The following CCK variants were observed in gnomAD, a reference collection of about 807,000 sequenced individuals.
The protein encoded by CCK is cholecystokinin triacontatriapeptide.
In CCK, 11 loss-of-function variants were observed where a neutral mutation model predicts 10.1. The observed-to-expected ratio is 1.09, with a 90% CI of 0.69 to 1.81. CCK has a LOEUF of 1.81. Ranked by LOEUF, CCK falls within the 40% of genes most tolerant of loss-of-function variation. The pLI is 0.00. For missense variants in CCK, 137 were observed against 159.9 expected, an observed-to-expected ratio of 0.86 and a Z score of 0.77; for synonymous variants, 83 against 71.9, an observed-to-expected ratio of 1.15 and a Z score of -0.78.
At chr3:42,262,781 T>C (rs1426660281) in intron 4 of CCK, among the ~76,000 whole-genome samples, 3 of 152,224 alleles carry the variant, frequency 2.0e-5, no homozygotes, top group African/African-American at 7.2e-5. Context: ...ATCACCTTAT[T>C]CCTGGAGAAA....
At chr3:42,258,346 A>C in intron 4 of CCK, 115 bp from the exon 5 acceptor site, 1 of 1,099,760 alleles carries the variant, frequency 9.1e-7, no homozygotes, top group Non-Finnish European at 1.3e-6. Context: ...ACACCACCTT[A>C]AAGGTATCAA....
At chr3:42,263,699 C>G (rs1711250007) in intron 3 of CCK, 67 bp from the exon 4 acceptor site, 1 of 1,456,258 alleles carries the variant, frequency 6.9e-7, no homozygotes, top group African/African-American at 1.4e-5. Context: ...TGCGGCGGGC[C>G]GGGCACCCAG....
At position 42,265,962 on chromosome 3, in the gene CCK, C is replaced by G. The variant is rs1353391118; in HGVS notation, c.-661G>C. 2.0e-5 allele frequency: 3 copies of G among 152,162 alleles called. No individual in the cohort carries two copies. Among genetic ancestry groups the G allele is most frequent in the Admixed American group, 2.0e-4 (3 of 15,280 alleles). The allele number at this position is 152,162 out of a possible 1,614,324, so 9.4% of individuals were successfully genotyped here. ...ATTTCACAGACCGCAAACCGAGGCG[C>G]GAGGAAGAGCAGCGCCTTGCCAAGG... On this transcript the variant is annotated 5_prime_UTR_variant, in exon 1 of 5. Transcript: ENST00000396169.
At position 42,263,403 on chromosome 3, in the gene CCK, G is replaced by A. The variant is rs1553619638; in HGVS notation, c.214+14C>T. 8.1e-6 allele frequency: 13 copies of A among 1,614,084 alleles called. No individual in the cohort carries two copies. The South Asian group carries it at 1.3e-4, about 16-fold the overall frequency. The stretch of plus-strand genomic sequence containing the variant: ...CAAGGGCAGAAGTGAGGGATGGGGA[G>A]GCAGCATTCTTACCTTTCCGGGCCT... On this transcript the variant is annotated intron_variant, in intron 4 of 4. Transcript: ENST00000396169.
intron 4 of CCK, among the ~76,000 whole-genome samples, chr3:42,260,599 C>G (rs1008812225): frequency 2.0e-5 from 3 of 152,194 alleles, no homozygotes; most frequent in African/African-American, 7.2e-5. Context: ...GGGCTTACAT[C>G]TGATGTATGG....
Position 42,264,746 on chromosome 3 carries a change from G to C in CCK, c.-52C>G, listed in dbSNP as rs1440017406. 6.6e-6 allele frequency: 1 copy of C among 152,300 alleles called. No homozygotes were observed. Among genetic ancestry groups the C allele is most frequent in the Non-Finnish European group, 1.5e-5 (1 of 68,134 alleles). 9.4% of individuals were successfully genotyped at this position (152,300 alleles called of 1,614,324 possible). On this transcript the variant is annotated 5_prime_UTR_variant, in exon 3 of 5. Transcript: ENST00000396169. ...TTGGCGTTTCCAACCGGAGCAGCCC[G>C]GCAGCTGAGCCAAGTTCAGGGAGGA...
intron 4 of CCK, chr3:42,263,177 C>A: frequency 1.6e-6 from 1 of 628,658 alleles, no homozygotes; most frequent in Non-Finnish European, 2.8e-6. Context: ...TGGTGTTGAA[C>A]TTAATCAGCA....
chr3:42,258,964 C>T (rs1711175597), intron 4 of CCK, among the ~76,000 whole-genome samples: 1 of 152,144 alleles, frequency 6.6e-6, no homozygotes, highest in African/African-American at 2.4e-5. Context: ...AAATGCCCAT[C>T]AATGATAGAC....
At chr3:42,264,589 A>G (rs959805974) in intron 3 of CCK, 108 bp downstream of exon 3, 4 of 152,116 alleles carry the variant, frequency 2.6e-5, no homozygotes, top group African/African-American at 9.7e-5. Context: ...CTCGGAGGGA[A>G]GACACAGAAA....
rs762365689 is a variant in CCK, at chr3:42,258,072, C to T, written c.*26G>A. 1.2e-5 allele frequency: 20 copies of T among 1,600,358 alleles called. No homozygotes were observed. The highest frequency in any genetic ancestry group is 4.5e-5 in the South Asian group (4 of 88,310). On this transcript the variant is annotated 3_prime_UTR_variant, in exon 5 of 5. Coordinates refer to ENST00000396169, the MANE Select transcript of CCK (RefSeq NM_000729.6). ...TCCTCTGGGTTGGGAGGTTGCTTCC[C>T]GTTGGGCTGATGGCGGCTGGGTCCT...
intron 4 of CCK, among the ~76,000 whole-genome samples, chr3:42,259,137 G>T (rs1010311248): frequency 6.6e-6 from 1 of 151,952 alleles, no homozygotes; most frequent in Non-Finnish European, 1.5e-5. Context: ...TCACTCATAA[G>T]TGGAAGTTGA....
At chr3:42,260,539 G>A (rs747132348) in intron 4 of CCK, among the ~76,000 whole-genome samples, 2 of 152,204 alleles carry the variant, frequency 1.3e-5, no homozygotes, top group Non-Finnish European at 2.9e-5. Context: ...CTCATGTCAT[G>A]TGTATTTACC....
At chr3:42,263,785 C>G in intron 3 of CCK, 153 bp from the exon 4 acceptor site, 1 of 1,333,414 alleles carries the variant, frequency 7.5e-7, no homozygotes. Context: ...CAAGCGCTGA[C>G]CCCAGCCGAG....
At chr3:42,262,538 T>A (rs1711231624) in intron 4 of CCK, among the ~76,000 whole-genome samples, 1 of 152,188 alleles carries the variant, frequency 6.6e-6, no homozygotes, top group Non-Finnish European at 1.5e-5. Flanking sequence ...TCTTTTAATG[T>A]CCAGCTGTGT....
intron 4 of CCK, among the ~76,000 whole-genome samples, chr3:42,261,608 C>CTTTTTTTTTTTTTTTTT (rs3073696): frequency 1.4e-5 from 2 of 145,620 alleles, no homozygotes; most frequent in Non-Finnish European, 3.0e-5. Context: ...TGGTAATGAG[C>CTTTTTTTTTTTTTTTTT]TTTTTTTTTT....
Position 42,263,546 on chromosome 3 carries a change from C to T in CCK, c.85G>A (p.Ala29Thr), listed in dbSNP as rs780520689. Residue 29 changes from alanine (A) to threonine (T), a missense_variant, in exon 4 of 5, where the codon GCG becomes ACG. By Grantham distance (58) the Ala-to-Thr change is moderately conservative (BLOSUM62 0). Transcript: ENST00000396169. ...TCTGCCCGCTGCAGCCCGGAGCCCG[C>T]GGGATCTGCGGGAGGCACCGGCTGC... Reference protein sequence around the residue: ...LTQPVPPADPAGSGLQRAEEA... With the variant: ...LTQPVPPADPTGSGLQRAEEA... The T allele has an allele frequency of 1.2e-6, 2 of 1,611,998 alleles. No homozygotes were observed. The highest frequency in any genetic ancestry group is 2.2e-5 in the East Asian group (1 of 44,846).
intron 4 of CCK, among the ~76,000 whole-genome samples, chr3:42,262,040 C>T (rs1160620754): frequency 6.6e-6 from 1 of 152,088 alleles, no homozygotes; most frequent in Admixed American, 6.6e-5. Context: ...TTCCAGTCTT[C>T]CCTTCATGTG....
chr3:42,258,736 T>TA (rs370110187), intron 4 of CCK, among the ~76,000 whole-genome samples: 114 of 151,646 alleles, frequency 7.5e-4, no homozygotes, highest in East Asian at 1.2e-3. Context: ...TTGGAATGGT[T>TA]AAAAAAAAAT....
chr3:42,259,144 T>G (rs1050748720), intron 4 of CCK, among the ~76,000 whole-genome samples: 1 of 151,826 alleles, frequency 6.6e-6, no homozygotes, highest in Admixed American at 6.6e-5. Flanking sequence ...TAAGTGGAAG[T>G]TGAACAATGA....
Sources: gnomAD v4.1 joint callset for allele counts (sites outside exome capture counted in the v4.1 genomes callset) on GRCh38, gnomAD v4.1.1 for gene constraint, MANE v1.5 for transcripts, NCBI Gene and HGNC (gene_info 2026-07-23, HGNC 2026-07-21) for gene names.